The following PTPRJ variants were observed in gnomAD, a reference collection of about 807,000 sequenced individuals.
PTPRJ encodes receptor-type tyrosine-protein phosphatase eta.
Under a neutral mutation model 141.3 loss-of-function variants are expected in PTPRJ, and 129 were observed. That is an observed-to-expected ratio of 0.91 (90% confidence interval 0.79 to 1.06). PTPRJ has a LOEUF of 1.06. Ranked by LOEUF, PTPRJ falls within the 50% of genes least tolerant of loss-of-function variation. The pLI is 0.00. For synonymous variants in PTPRJ, 610 were observed against 640.5 expected, an observed-to-expected ratio of 0.95 and a Z score of 0.72; for missense variants, 1,601 against 1,679.7, an observed-to-expected ratio of 0.95 and a Z score of 0.82.
Position 48,153,117 on chromosome 11 carries a change from G to A in PTPRJ, c.3139-679G>A, listed in dbSNP as rs533308735. Among the ~76,000 whole-genome samples, 4 of 152,262 alleles carry A rather than the reference G, an allele frequency of 2.6e-5. No individual in the cohort carries two copies. The East Asian group carries it at 5.8e-4, about 22-fold the overall frequency. Reference sequence around the variant, plus strand: ...TCACTGAGATGACAAATATTGCCGGGGAAGAAAGCTTTAATCGGGTGCTGC... The same window carrying A: ...TCACTGAGATGACAAATATTGCCGGAGAAGAAAGCTTTAATCGGGTGCTGC... On this transcript the variant is annotated intron_variant, in intron 18 of 24. Transcript: ENST00000418331.
chr11:48,059,110 C>CTTTT (rs917350262), intron 1 of PTPRJ, among the ~76,000 whole-genome samples: 3 of 102,158 alleles, frequency 2.9e-5, no homozygotes, highest in East Asian at 2.5e-4. Flanking sequence ...TGTGCTGTGC[C>CTTTT]TTTTTTTTTT....
At chr11:48,041,532 T>A (rs1854272801) in intron 1 of PTPRJ, among the ~76,000 whole-genome samples, 1 of 152,246 alleles carries the variant, frequency 6.6e-6, no homozygotes, top group African/African-American at 2.4e-5. Flanking sequence ...CAGAGTTGAC[T>A]GTGGCTTCTG....
At chr11:47,990,827 C>T (rs181537349) in intron 1 of PTPRJ, among the ~76,000 whole-genome samples, 4 of 151,970 alleles carry the variant, frequency 2.6e-5, no homozygotes, top group East Asian at 3.9e-4. Context: ...TATAGGCGCC[C>T]GCCACTATGC....
rs1462307911 is a variant in PTPRJ at position 48,168,544 on chromosome 11, A to ATG, written c.*1183_*1184insGT. On this transcript the variant is annotated 3_prime_UTR_variant, in exon 25 of 25. Coordinates refer to ENST00000418331, the MANE Select transcript of PTPRJ (RefSeq NM_002843.4). ...ATCGGAATCTACTGTGTATATATAT[A>ATG]TATATATATATATATATATATATAT... 1.2e-5 allele frequency: 1 copy of ATG among 83,290 alleles called. No homozygotes were observed. The highest frequency in any genetic ancestry group is 2.6e-5 in the Non-Finnish European group (1 of 38,852). The allele number at this position is 83,290 out of a possible 1,614,324, so 5.2% of individuals were successfully genotyped here.
At chr11:48,082,079 A>G (rs181114881) in intron 1 of PTPRJ, among the ~76,000 whole-genome samples, 3 of 152,308 alleles carry the variant, frequency 2.0e-5, no homozygotes, top group East Asian at 1.9e-4. Flanking sequence ...TATGGGGCCA[A>G]TATCTCCAAA....
intron 1 of PTPRJ, among the ~76,000 whole-genome samples, chr11:48,037,306 T>TA (rs1355836536): frequency 6.6e-6 from 1 of 152,120 alleles, no homozygotes; most frequent in African/African-American, 2.4e-5. Context: ...AACCAGGATT[T>TA]AATAGGAGGT....
chr11:48,018,595 CTT>C (rs1855015186), intron 1 of PTPRJ, among the ~76,000 whole-genome samples: 1 of 152,152 alleles, frequency 6.6e-6, no homozygotes, highest in Non-Finnish European at 1.5e-5. Flanking sequence ...TAAATACAGT[CTT>C]TTTGGAGACT....
At chr11:48,072,268 C>G (rs1427895167) in intron 1 of PTPRJ, among the ~76,000 whole-genome samples, 1 of 152,156 alleles carries the variant, frequency 6.6e-6, no homozygotes, top group African/African-American at 2.4e-5. Flanking sequence ...TGGGAAGTCT[C>G]GTATCAAGGT....
intron 1 of PTPRJ, among the ~76,000 whole-genome samples, chr11:48,013,370 A>G (rs549885279): frequency 1.3e-5 from 2 of 152,268 alleles, no homozygotes; most frequent in East Asian, 1.9e-4. Context: ...CCAGTGGTCT[A>G]TCAGAACCCA....
intron 1 of PTPRJ, among the ~76,000 whole-genome samples, chr11:48,046,912 ATTTTTTTTT>A (rs1217187387): frequency 2.7e-5 from 2 of 74,168 alleles, no homozygotes; most frequent in Admixed American, 1.6e-4. Flanking sequence ...ATATATATAT[ATTTTTTTTT>A]TTTTTTTTTT....
Position 48,159,912 on chromosome 11 carries a change from A to G in PTPRJ, c.3439-18A>G. 6.2e-7 allele frequency: 1 copy of G among 1,613,178 alleles called. No homozygotes were observed. The highest frequency in any genetic ancestry group is 8.5e-7 in the Non-Finnish European group (1 of 1,179,336). The stretch of plus-strand genomic sequence containing the variant: ...GGCATGATCTGAGTCTTCTTATAAA[A>G]ATGCAATTTTGTTCTAGACCAAATG... On this transcript the variant is annotated intron_variant, in intron 21 of 24. Coordinates refer to ENST00000418331, the MANE Select transcript of PTPRJ (RefSeq NM_002843.4).
At chr11:48,151,433 T>G (rs1857478663) in intron 18 of PTPRJ, among the ~76,000 whole-genome samples, 1 of 150,612 alleles carries the variant, frequency 6.6e-6, no homozygotes, top group African/African-American at 2.4e-5. Flanking sequence ...ATGATCTCAT[T>G]TTAATTTGTT....
At chr11:48,012,590 G>A (rs536143542) in intron 1 of PTPRJ, among the ~76,000 whole-genome samples, 1 of 152,084 alleles carries the variant, frequency 6.6e-6, no homozygotes, top group Admixed American at 6.5e-5. Context: ...CAACCCTGGC[G>A]GACTGGTGGA....
intron 1 of PTPRJ, among the ~76,000 whole-genome samples, chr11:48,103,639 G>T (rs1413830830): frequency 1.3e-5 from 2 of 152,304 alleles, no homozygotes; most frequent in Non-Finnish European, 1.5e-5. Flanking sequence ...ATTTGAAACA[G>T]CTGCTTTTAT....
chr11:48,148,079 A>G (rs1203510063), intron 15 of PTPRJ, among the ~76,000 whole-genome samples: 1 of 152,128 alleles, frequency 6.6e-6, no homozygotes, highest in Non-Finnish European at 1.5e-5. Flanking sequence ...TCCTGACCTC[A>G]AGGGATCTGC....
At chr11:47,997,659 G>A (rs1854379385) in intron 1 of PTPRJ, among the ~76,000 whole-genome samples, 1 of 152,118 alleles carries the variant, frequency 6.6e-6, no homozygotes, top group African/African-American at 2.4e-5. Flanking sequence ...TGATGGTGTG[G>A]TGCTAAGCTC....
chr11:48,127,997 C>A lies in PTPRJ; in HGVS notation c.1311C>A (p.Val437=). 3 of 1,613,978 alleles carry A rather than the reference C, an allele frequency of 1.9e-6. No individual in the cohort carries two copies. Among genetic ancestry groups the A allele is most frequent in the Non-Finnish European group, 2.5e-6 (3 of 1,179,838 alleles). Residue 437 remains valine, a synonymous_variant, in exon 7 of 25, where the codon GTC becomes GTA. Coordinates refer to ENST00000418331, the MANE Select transcript of PTPRJ (RefSeq NM_002843.4). The stretch of plus-strand genomic sequence containing the variant: ...TCTACAACATCACAGTGTGTCCTGT[C>A]CTAGGTGACATCGAGGGCACGCCGG... ...STFYNITVCP[V]LGDIEGTPGF...
At chr11:48,027,941 G>T (rs1165921238) in intron 1 of PTPRJ, among the ~76,000 whole-genome samples, 1 of 150,880 alleles carries the variant, frequency 6.6e-6, no homozygotes, top group Non-Finnish European at 1.5e-5. Flanking sequence ...CTGCATCCAG[G>T]GTCCAGATGC....
intron 1 of PTPRJ, among the ~76,000 whole-genome samples, chr11:48,013,303 A>G (rs576053246): frequency 6.6e-5 from 10 of 151,240 alleles, no homozygotes; most frequent in Admixed American, 1.3e-4. Context: ...TAGATGCCAT[A>G]CCAGGTATGG....
Sources: gnomAD v4.1 joint callset for allele counts (sites outside exome capture counted in the v4.1 genomes callset) on GRCh38, gnomAD v4.1.1 for gene constraint, MANE v1.5 for transcripts, NCBI Gene and HGNC (gene_info 2026-07-23, HGNC 2026-07-21) for gene names.